ADA2: variants seen among roughly 807,000 people sequenced by gnomAD.
The protein encoded by ADA2 is adenosine deaminase CECR1.
Under a neutral mutation model 44.2 loss-of-function variants are expected in ADA2, and 29 were observed. The ratio of observed to expected loss-of-function variants is 0.66; its 90% CI spans 0.49 to 0.89. The LOEUF is 0.89. Among genes scored for constraint, ADA2 ranks in the 40% least tolerant of loss-of-function variants. The pLI, the probability that ADA2 is intolerant of heterozygous loss-of-function variation, is 0.00. For missense variants in ADA2, 637 were observed against 644.8 expected, an observed-to-expected ratio of 0.99 and a Z score of 0.13; for synonymous variants, 215 against 234.9, an observed-to-expected ratio of 0.92 and a Z score of 0.77.
intron 1 of ADA2, among the ~76,000 whole-genome samples, chr22:17,212,737 G>T (rs75734262): frequency 0.035 from 5,240 of 150,962 alleles, 145 homozygotes; most frequent in East Asian, 0.082. Context: ...ATACGTATAC[G>T]AATAAATGCC....
chr22:17,185,135 G>A (rs1451042427), intron 7 of ADA2, among the ~76,000 whole-genome samples: 5 of 151,280 alleles, frequency 3.3e-5, no homozygotes, highest in Admixed American at 6.6e-5. Context: ...GATATTGGCC[G>A]GGTGTGGTGG....
At chr22:17,210,611 T>C (rs1200310903) in intron 1 of ADA2, among the ~76,000 whole-genome samples, 2 of 152,020 alleles carry the variant, frequency 1.3e-5, no homozygotes, top group African/African-American at 4.8e-5. Context: ...ATTTTTGTTT[T>C]TTTTAAGACA....
intron 3 of ADA2, among the ~76,000 whole-genome samples, chr22:17,204,421 A>T (rs1394326838): frequency 1.3e-5 from 2 of 152,176 alleles, no homozygotes; most frequent in Admixed American, 1.3e-4. Context: ...GTTCGAGATC[A>T]GCCTGGCCAA....
chr22:17,218,374 G>A (rs2062492790), intron 1 of ADA2, among the ~76,000 whole-genome samples: 1 of 152,070 alleles, frequency 6.6e-6, no homozygotes, highest in South Asian at 2.1e-4. Flanking sequence ...TGCAGTTATG[G>A]CAGAAGCTGT....
Position 17,180,199 on chromosome 22 carries a change from G to A in ADA2, c.*1284C>T, listed in dbSNP as rs1325639758. 1 of 152,464 alleles carries A rather than the reference G, an allele frequency of 6.6e-6. No individual in the cohort carries two copies. Among genetic ancestry groups the A allele is most frequent in the African/African-American group, 2.4e-5 (1 of 41,456 alleles). 9.4% of individuals were successfully genotyped at this position (152,464 alleles called of 1,614,324 possible). A position where few individuals can be genotyped will look rare whatever the true frequency, so the allele number is the denominator to read the frequency against. On this transcript the variant is annotated 3_prime_UTR_variant, in exon 10 of 10. Transcript: ENST00000399837. ...AAAAATGAGCTGGAGGAGGCAAAGG[G>A]AAGAAAGGGGAGATCAGTGAGGAGG...
chr22:17,205,526 G>A (rs1344363503), intron 3 of ADA2, among the ~76,000 whole-genome samples: 1 of 152,144 alleles, frequency 6.6e-6, no homozygotes, highest in Non-Finnish European at 1.5e-5. Flanking sequence ...CAGCACCCAG[G>A]TTTGTATCCC....
rs71200244 is a variant in ADA2 at position 17,193,358 on chromosome 22, CAAAAAAAAAAAAAAA to C, written c.754-1563_754-1549del. ...TGTTTAAATAAAACCGTAAAAACTG[CAAAAAAAAAAAAAAA>C]AAAAAAAAAAAAGGACAGCGCGGTG... On this transcript the variant is annotated intron_variant, in intron 4 of 9. Coordinates refer to ENST00000399837, the MANE Select transcript of ADA2 (RefSeq NM_001282225.2). The C allele has an allele frequency of 8.7e-3, 573 of 66,004 alleles. 4 individuals carry two copies. The highest frequency in any genetic ancestry group is 0.021 in the South Asian group (164 of 7,938). 4.1% of individuals were successfully genotyped at this position (66,004 alleles called of 1,614,324 possible).
intron 4 of ADA2, among the ~76,000 whole-genome samples, chr22:17,201,223 AG>A (rs2062283060): frequency 6.6e-6 from 1 of 151,932 alleles, no homozygotes; most frequent in South Asian, 2.1e-4. Flanking sequence ...AAGAAGAAGA[AG>A]AAAGAAAAGA....
intron 2 of ADA2, among the ~76,000 whole-genome samples, chr22:17,208,996 A>G (rs1175694981): frequency 6.6e-6 from 1 of 151,688 alleles, no homozygotes; most frequent in African/African-American, 2.4e-5. Context: ...CTGGCTATTT[A>G]TATGTGCGGG....
chr22:17,199,416 T>TCCTCCCTCCCCTCCTCTATCCTCTTCA, intron 4 of ADA2: 4 of 429,650 alleles, frequency 9.3e-6, no homozygotes, highest in African/African-American at 2.5e-5. Flanking sequence ...TCTCAGCGTC[T>TCCTCCCTCCCCTCCTCTATCCTCTTCA]CCTCCCTCCC....
chr22:17,208,710 G>C (rs1169178956), intron 2 of ADA2, among the ~76,000 whole-genome samples: 1 of 151,976 alleles, frequency 6.6e-6, no homozygotes, highest in East Asian at 2.0e-4. Context: ...GGCTGAGGCA[G>C]GAGAATCACT....
intron 4 of ADA2, among the ~76,000 whole-genome samples, chr22:17,200,097 A>G (rs2062258576): frequency 6.6e-6 from 1 of 152,168 alleles, no homozygotes; most frequent in South Asian, 2.1e-4. Context: ...CGGGAGGCTG[A>G]GGCAGGAGAA....
chr22:17,210,645 T>G (rs1021737260), intron 1 of ADA2, among the ~76,000 whole-genome samples: 1 of 152,074 alleles, frequency 6.6e-6, no homozygotes, highest in Admixed American at 6.6e-5. Context: ...TCACCCAGGC[T>G]GGACTGCAGT....
At chr22:17,207,001 CA>C in intron 3 of ADA2, 69 bp downstream of exon 3, 1 of 1,189,338 alleles carries the variant, frequency 8.4e-7, no homozygotes, top group Non-Finnish European at 1.2e-6. Context: ...AGGTTTGTAC[CA>C]AGGGAGACAC....
At chr22:17,203,502 A>G (rs2062315319) in intron 4 of ADA2, 61 bp downstream of exon 4, 3 of 1,354,784 alleles carry the variant, frequency 2.2e-6, no homozygotes, top group Non-Finnish European at 3.2e-6. Flanking sequence ...TCTACCAGCT[A>G]AGATCTGAGT....
intron 1 of ADA2, 53 bp from the exon 2 acceptor site, chr22:17,209,776 G>T: frequency 1.1e-6 from 1 of 902,298 alleles, no homozygotes; most frequent in Non-Finnish European, 1.6e-6. Flanking sequence ...GTGGAACTCT[G>T]ATCTTCCTTT....
chr22:17,194,967 C>T (rs2123668922), intron 4 of ADA2, among the ~76,000 whole-genome samples: 1 of 152,088 alleles, frequency 6.6e-6, no homozygotes, highest in Non-Finnish European at 1.5e-5. Context: ...ATCACCCTTA[C>T]CACCGGAAAC....
chr22:17,199,454 C>T (rs2062243928), intron 4 of ADA2: 16 of 1,241,284 alleles, frequency 1.3e-5, no homozygotes, highest in Non-Finnish European at 1.8e-5. Context: ...CCTCCACCCA[C>T]GAAGATCCCA....
At chr22:17,221,295 G>A (rs2062521120), upstream of ADA2, among the ~76,000 whole-genome samples, 1 of 151,514 alleles carries the variant, frequency 6.6e-6, no homozygotes, top group Non-Finnish European at 1.5e-5. Flanking sequence ...TTTTTTGTGG[G>A]TTTTTTTTAT....
Sources: allele counts gnomAD v4.1 joint callset (sites outside exome capture counted in the v4.1 genomes callset), GRCh38; gene constraint gnomAD v4.1.1; transcripts MANE v1.5; gene names NCBI Gene and HGNC (gene_info 2026-07-23, HGNC 2026-07-21).